Variants in CDH13 observed in about 807,000 individuals in gnomAD.
CDH13 encodes cadherin 13, also known as cadherin-13.
In CDH13, 24 loss-of-function variants were observed where a neutral mutation model predicts 63.8. The ratio of observed to expected loss-of-function variants is 0.38; its 90% CI spans 0.27 to 0.53. The LOEUF is 0.53. Among genes scored for constraint, CDH13 ranks in the 20% least tolerant of loss-of-function variants. The pLI is 0.85. For synonymous variants in CDH13, 503 were observed against 355.3 expected (o/e 1.42, Z -4.67); for missense variants, 1,049 against 903.1 (o/e 1.16, Z -2.07).
chr16:82,807,429 A>G (rs2037201945), intron 1 of CDH13, among the ~76,000 whole-genome samples: 1 of 152,178 alleles, frequency 6.6e-6, no homozygotes, highest in Non-Finnish European at 1.5e-5. Context: ...TGAGAATAGC[A>G]GGGTTAGAAC....
intron 1 of CDH13, among the ~76,000 whole-genome samples, chr16:82,826,912 C>T (rs139366006): frequency 1.3e-5 from 2 of 152,272 alleles, no homozygotes; most frequent in South Asian, 2.1e-4. Flanking sequence ...AGACTACAGT[C>T]GACTCTCAGG....
intron 10 of CDH13, among the ~76,000 whole-genome samples, chr16:83,726,676 A>T (rs1254969681): frequency 6.6e-6 from 1 of 152,134 alleles, no homozygotes; most frequent in East Asian, 1.9e-4. Flanking sequence ...TCTACTAAAA[A>T]TACAAAAAAA....
At chr16:83,380,669 C>G (rs1397009173) in intron 6 of CDH13, among the ~76,000 whole-genome samples, 1 of 152,148 alleles carries the variant, frequency 6.6e-6, no homozygotes, top group Non-Finnish European at 1.5e-5. Context: ...CTCAAGGTGG[C>G]TGATTGGAGC....
chr16:83,800,389 T>G lies in CDH13; in HGVS notation c.*5359T>G, dbSNP rs936657059. 6.6e-6 allele frequency: 1 copy of G among 152,190 alleles called. No individual in the cohort carries two copies. Among genetic ancestry groups the G allele is most frequent in the Non-Finnish European group, 1.5e-5 (1 of 68,028 alleles). The allele number at this position is 152,190 out of a possible 1,614,324, so 9.4% of individuals were successfully genotyped here. On this transcript the variant is annotated 3_prime_UTR_variant, in exon 14 of 14. Coordinates refer to ENST00000567109, the MANE Select transcript of CDH13 (RefSeq NM_001257.5). ...GTCAACACTGTCCTGATGACAAAAT[T>G]TTATGTATCCCCCCAGATAAAAATT...
chr16:83,200,308 A>G (rs16959745), intron 4 of CDH13, among the ~76,000 whole-genome samples: 4,682 of 152,264 alleles, frequency 0.031, 229 homozygotes, highest in African/African-American at 0.11. Context: ...AAATCTGTCC[A>G]TTCCATAGCT....
chr16:82,751,549 G>A (rs1282086930), intron 1 of CDH13, among the ~76,000 whole-genome samples: 1 of 152,048 alleles, frequency 6.6e-6, no homozygotes, highest in Non-Finnish European at 1.5e-5. Context: ...TTTGTCAGGT[G>A]CATGTAACCC....
intron 1 of CDH13, among the ~76,000 whole-genome samples, chr16:82,651,341 C>G (rs1432338292): frequency 6.6e-6 from 1 of 152,190 alleles, no homozygotes; most frequent in African/African-American, 2.4e-5. Context: ...CTATAGGGCA[C>G]ACACACATAT....
At chr16:83,028,497 T>A (rs982467803) in intron 2 of CDH13, among the ~76,000 whole-genome samples, 1 of 152,160 alleles carries the variant, frequency 6.6e-6, no homozygotes, top group African/African-American at 2.4e-5. Flanking sequence ...AAAACAGGAC[T>A]GAGCAGGGCA....
At chr16:82,723,684 G>T (rs191038191) in intron 1 of CDH13, among the ~76,000 whole-genome samples, 1 of 152,162 alleles carries the variant, frequency 6.6e-6, no homozygotes, top group African/African-American at 2.4e-5. Context: ...ACCAGATTGC[G>T]ACAGGAGTGA....
intron 2 of CDH13, among the ~76,000 whole-genome samples, chr16:82,897,315 A>G (rs1450490959): frequency 6.6e-6 from 1 of 152,158 alleles, no homozygotes; most frequent in Non-Finnish European, 1.5e-5. Flanking sequence ...TCAATGAGAG[A>G]TCTGTGAGGT....
chr16:83,197,543 C>G (rs1255848161), intron 4 of CDH13, among the ~76,000 whole-genome samples: 2 of 152,058 alleles, frequency 1.3e-5, no homozygotes, highest in Non-Finnish European at 2.9e-5. Context: ...TCTCCCCTCC[C>G]CACCCTCAAT....
At chr16:83,476,849 G>T (rs1046685908) in intron 6 of CDH13, among the ~76,000 whole-genome samples, 2 of 152,140 alleles carry the variant, frequency 1.3e-5, no homozygotes, top group Middle Eastern at 3.2e-3. Flanking sequence ...ACTTAAAATT[G>T]ATTTTTTGAA....
intron 7 of CDH13, among the ~76,000 whole-genome samples, chr16:83,497,655 T>TAA (rs200337401): frequency 2.9e-4 from 43 of 146,222 alleles, no homozygotes; most frequent in African/African-American, 1.0e-3. Context: ...AAAACTTTAA[T>TAA]AAAAAAAAAA....
In CDH13 at chr16:83,742,214, G is replaced by C. The variant is rs537627434; in HGVS notation, c.1539-5894G>C. ...CACTTGCCTGGAAGCTTTCTTCCCT[G>C]CTCTGAGGGGGCCCTGCTGAGAGTG... On this transcript the variant is annotated intron_variant, in intron 10 of 13. Coordinates refer to ENST00000567109, the MANE Select transcript of CDH13 (RefSeq NM_001257.5). Among the ~76,000 whole-genome samples, 20 of 152,302 alleles carry C rather than the reference G, an allele frequency of 1.3e-4. No homozygotes were observed. In the South Asian group the frequency reaches 4.1e-3, roughly 32 times the overall value.
chr16:82,749,401 A>G (rs938688257), intron 1 of CDH13, among the ~76,000 whole-genome samples: 1 of 152,176 alleles, frequency 6.6e-6, no homozygotes, highest in Non-Finnish European at 1.5e-5. Context: ...GGTAACCCTG[A>G]TGGAGAAAAA....
intron 10 of CDH13, among the ~76,000 whole-genome samples, chr16:83,705,522 T>C (rs1260697528): frequency 6.6e-6 from 1 of 152,044 alleles, no homozygotes; most frequent in African/African-American, 2.4e-5. Flanking sequence ...CTCGGGAGGC[T>C]GAGGCAGGAG....
intron 2 of CDH13, among the ~76,000 whole-genome samples, chr16:82,952,753 C>A (rs886513695): frequency 6.6e-6 from 1 of 152,200 alleles, no homozygotes; most frequent in Non-Finnish European, 1.5e-5. Flanking sequence ...CCACTGTCCA[C>A]CATTCTCTAC....
intron 3 of CDH13, among the ~76,000 whole-genome samples, chr16:83,098,239 C>T (rs946850330): frequency 2.6e-5 from 4 of 152,158 alleles, no homozygotes; most frequent in Admixed American, 6.5e-5. Flanking sequence ...AATATTATAG[C>T]ATTTCATATA....
chr16:83,252,129 C>T (rs59291007), intron 5 of CDH13, among the ~76,000 whole-genome samples: 51 of 89,164 alleles, frequency 5.7e-4, no homozygotes, highest in East Asian at 1.3e-3. Flanking sequence ...CACACACACA[C>T]ATATATATGT....
Sources: allele counts gnomAD v4.1 joint callset (sites outside exome capture counted in the v4.1 genomes callset), GRCh38; gene constraint gnomAD v4.1.1; transcripts MANE v1.5; gene names NCBI Gene and HGNC (gene_info 2026-07-23, HGNC 2026-07-21).